AVL9: variants seen among roughly 807,000 people sequenced by gnomAD.
AVL9 encodes late secretory pathway protein AVL9 homolog.
Under a neutral mutation model 79.2 loss-of-function variants are expected in AVL9, and 49 were observed. The ratio of observed to expected loss-of-function variants is 0.62; its 90% CI spans 0.49 to 0.79. AVL9 has a LOEUF of 0.79. AVL9 is among the 30% of genes least tolerant of loss of function. The pLI is 0.00. For synonymous variants in AVL9, 299 were observed against 280.6 expected, an observed-to-expected ratio of 1.07 and a Z score of -0.65; for missense variants, 682 against 776.8, an observed-to-expected ratio of 0.88 and a Z score of 1.45.
chr7:32,514,432 A>G (rs990657832), intron 1 of AVL9, among the ~76,000 whole-genome samples: 8 of 152,180 alleles, frequency 5.3e-5, no homozygotes, highest in African/African-American at 1.9e-4. Context: ...CTCAGTCAAT[A>G]CTGTCAGGCC....
intron 3 of AVL9, among the ~76,000 whole-genome samples, chr7:32,547,689 G>A (rs1276492029): frequency 6.6e-6 from 1 of 152,214 alleles, no homozygotes; most frequent in East Asian, 1.9e-4. Flanking sequence ...GAAGCAGACA[G>A]ATAAACCAAT....
At chr7:32,525,774 GT>G (rs1236975840) in intron 1 of AVL9, among the ~76,000 whole-genome samples, 3 of 152,090 alleles carry the variant, frequency 2.0e-5, no homozygotes, top group African/African-American at 7.2e-5. Context: ...ATTTCTCCTT[GT>G]TTTACTTTCA....
intron 1 of AVL9, among the ~76,000 whole-genome samples, chr7:32,522,616 T>C (rs1257301949): frequency 1.3e-5 from 2 of 152,188 alleles, no homozygotes; most frequent in Non-Finnish European, 2.9e-5. Flanking sequence ...GATGAAACTT[T>C]GGTCTGTGGA....
chr7:32,527,623 A>G (rs1391607450), intron 1 of AVL9, among the ~76,000 whole-genome samples: 1 of 152,128 alleles, frequency 6.6e-6, no homozygotes, highest in East Asian at 1.9e-4. Flanking sequence ...AATTGTCTGT[A>G]AGTCTTGCTG....
chr7:32,502,635 CT>C (rs988354329), intron 1 of AVL9, among the ~76,000 whole-genome samples: 1 of 152,086 alleles, frequency 6.6e-6, no homozygotes, highest in African/African-American at 2.4e-5. Flanking sequence ...ATCCTTGTGG[CT>C]TTTTGCACCT....
At chr7:32,578,666 G>A (rs773789829) in intron 13 of AVL9, among the ~76,000 whole-genome samples, 58 of 151,900 alleles carry the variant, frequency 3.8e-4, no homozygotes, top group African/African-American at 1.3e-3. Flanking sequence ...AAAAGTAGCC[G>A]GGTGTGGTGG....
intron 9 of AVL9, 130 bp from the exon 10 acceptor site, chr7:32,558,799 T>C: frequency 9.4e-7 from 1 of 1,064,710 alleles, no homozygotes; most frequent in East Asian, 2.6e-5. Context: ...CTTTCTGTTC[T>C]TTTTGTTTTT....
chr7:32,498,842 A>G (rs1052251676), intron 1 of AVL9, among the ~76,000 whole-genome samples: 2 of 151,744 alleles, frequency 1.3e-5, no homozygotes, highest in Non-Finnish European at 2.9e-5. Flanking sequence ...ATAATAATTA[A>G]CAAGGGATAA....
At chr7:32,548,171 G>A (rs761544349) in intron 3 of AVL9, among the ~76,000 whole-genome samples, 7 of 22,350 alleles carry the variant, frequency 3.1e-4, no homozygotes, top group African/African-American at 7.1e-4. Flanking sequence ...TTTTTGAGAC[G>A]GAGTCTCACT....
chr7:32,576,058 A>G lies in AVL9; in HGVS notation c.1674A>G (p.Ala558=). 5.6e-6 allele frequency: 9 copies of G among 1,613,304 alleles called. No individual in the cohort carries two copies. Among genetic ancestry groups the G allele is most frequent in the Non-Finnish European group, 6.8e-6 (8 of 1,179,234 alleles). Residue 558 remains alanine (A), a synonymous_variant, in exon 13 of 16, where the codon GCA becomes GCG. Transcript: ENST00000318709. ...VWNSNKHPAL[A]EINPNHPFQG... is the part of the protein sequence containing the mutation. ...ACAGCAACAAGCATCCAGCACTTGC[A>G]GAAATAAATCCAAAGTAAGCGCGTC...
chr7:32,534,249 G>A (rs1223571861), intron 1 of AVL9: 2 of 151,990 alleles, frequency 1.3e-5, no homozygotes, highest in Non-Finnish European at 2.9e-5. Flanking sequence ...CTAAAAATTA[G>A]AATCAAAATA....
chr7:32,500,941 C>A (rs887157554), intron 1 of AVL9, among the ~76,000 whole-genome samples: 3 of 152,040 alleles, frequency 2.0e-5, no homozygotes, highest in African/African-American at 7.2e-5. Context: ...TTTGTGAGAC[C>A]TCTGTTCTGT....
In AVL9 at chr7:32,587,356, T is replaced by C. The variant is rs1791844334; in HGVS notation, c.*3449T>C. 6.6e-6 allele frequency: 1 copy of C among 152,248 alleles called. No individual in the cohort carries two copies. Among genetic ancestry groups the C allele is most frequent in the Admixed American group, 6.5e-5 (1 of 15,280 alleles). 9.4% of individuals were successfully genotyped at this position (152,248 alleles called of 1,614,324 possible). ...AAGTTTTAAAGTCACGCTACGGCAT[T>C]ATCACCCTGGCAGGTAGGTTTTGTT... On this transcript the variant is annotated 3_prime_UTR_variant, in exon 16 of 16. Coordinates refer to ENST00000318709, the MANE Select transcript of AVL9 (RefSeq NM_015060.3).
intron 1 of AVL9, chr7:32,531,708 A>G (rs1312065588): frequency 2.0e-5 from 3 of 152,176 alleles, no homozygotes; most frequent in African/African-American, 7.2e-5. Context: ...AACTCCACTC[A>G]GATCCACTGC....
chr7:32,544,512 A>G (rs1195184593), intron 2 of AVL9, among the ~76,000 whole-genome samples, 182 bp from the exon 3 acceptor site: 1 of 152,148 alleles, frequency 6.6e-6, no homozygotes, highest in Non-Finnish European at 1.5e-5. Context: ...AGTATTTACC[A>G]TAAAGCAATG....
chr7:32,562,094 C>T (rs994786451), intron 10 of AVL9, among the ~76,000 whole-genome samples: 13 of 152,076 alleles, frequency 8.5e-5, no homozygotes, highest in Non-Finnish European at 1.0e-4. Context: ...ATAAGGAAAA[C>T]GTGTGAGATG....
chr7:32,584,247 G>A lies in AVL9; in HGVS notation c.*340G>A, dbSNP rs1791660593. On this transcript the variant is annotated 3_prime_UTR_variant, in exon 16 of 16. Transcript: ENST00000318709. ...CTTATGTAAATTTTGTTCTGTTTTG[G>A]TGTTTGAATATCTAGATGGTCACTG... 2 of 261,136 alleles carry A rather than the reference G, an allele frequency of 7.7e-6. No individual in the cohort carries two copies. The highest frequency in any genetic ancestry group is 1.1e-4 in the South Asian group (2 of 18,722). 16.2% of individuals were successfully genotyped at this position (261,136 alleles called of 1,614,324 possible).
At chr7:32,577,876 G>A (rs1791172936) in intron 13 of AVL9, among the ~76,000 whole-genome samples, 2 of 152,164 alleles carry the variant, frequency 1.3e-5, no homozygotes, top group Non-Finnish European at 2.9e-5. Flanking sequence ...CAGGCCAAGG[G>A]AGAACTTCCC....
intron 11 of AVL9, among the ~76,000 whole-genome samples, chr7:32,570,611 G>A (rs1444159328): frequency 6.6e-6 from 1 of 150,796 alleles, no homozygotes; most frequent in African/African-American, 2.4e-5. Flanking sequence ...TTTTACAACT[G>A]AAATAATCTT....
Sources: allele counts gnomAD v4.1 joint callset (sites outside exome capture counted in the v4.1 genomes callset), GRCh38; gene constraint gnomAD v4.1.1; transcripts MANE v1.5; gene names NCBI Gene and HGNC (gene_info 2026-07-23, HGNC 2026-07-21).